Variants in ANO3 observed in about 807,000 individuals in gnomAD.
The protein encoded by ANO3 is anoctamin-3.
In ANO3, 99 loss-of-function variants were observed where a neutral mutation model predicts 144.8. That is an observed-to-expected ratio of 0.68 (90% CI 0.58 to 0.81). The LOEUF is 0.81. Ranked by LOEUF, ANO3 falls within the 30% of genes least tolerant of loss-of-function variation. ANO3 has a pLI of 0.00. For missense variants in ANO3, 905 were observed against 1,202.2 expected, an observed-to-expected ratio of 0.75 and a Z score of 3.66; for synonymous variants, 414 against 392.6, an observed-to-expected ratio of 1.05 and a Z score of -0.64.
intron 23 of ANO3, 58 bp from the exon 24 acceptor site, chr11:26,647,651 T>C: frequency 6.7e-7 from 1 of 1,494,704 alleles, no homozygotes; most frequent in Non-Finnish European, 9.1e-7. Flanking sequence ...ATAAGATTAA[T>C]TACAGGGTTT....
At chr11:26,627,115 T>A (rs566368869) in intron 18 of ANO3, among the ~76,000 whole-genome samples, 9 of 150,262 alleles carry the variant, frequency 6.0e-5, no homozygotes, top group East Asian at 1.9e-4. Context: ...TTAAATTCTT[T>A]TATATATATA....
intron 1 of ANO3, among the ~76,000 whole-genome samples, chr11:26,384,758 T>A (rs1856679800): frequency 6.6e-6 from 1 of 152,222 alleles, no homozygotes; most frequent in Non-Finnish European, 1.5e-5. Flanking sequence ...GTGCTTATAT[T>A]CTTACTCCCT....
At chr11:26,500,828 A>G (rs1015064096) in intron 4 of ANO3, among the ~76,000 whole-genome samples, 5 of 151,740 alleles carry the variant, frequency 3.3e-5, no homozygotes. Flanking sequence ...TTTGCTCTTT[A>G]TAATAAGTAG....
At chr11:26,405,928 T>G (rs1438803755) in intron 1 of ANO3, among the ~76,000 whole-genome samples, 1 of 151,676 alleles carries the variant, frequency 6.6e-6, no homozygotes, top group Non-Finnish European at 1.5e-5. Context: ...TTCTAAAAGC[T>G]TTTTTTTCAT....
intron 14 of ANO3, chr11:26,565,379 AG>A (rs759120275): frequency 2.5e-6 from 4 of 1,613,226 alleles, no homozygotes; most frequent in Non-Finnish European, 3.4e-6. Flanking sequence ...TGTTATCAGG[AG>A]TTTTCACGGT....
chr11:26,256,597 C>T (rs561204458), intron 1 of ANO3, among the ~76,000 whole-genome samples: 2 of 152,096 alleles, frequency 1.3e-5, no homozygotes, highest in South Asian at 4.2e-4. Context: ...ATTACTCCTA[C>T]CCTATGAGAT....
intron 4 of ANO3, among the ~76,000 whole-genome samples, chr11:26,492,157 T>C (rs1043079221): frequency 1.1e-4 from 17 of 152,234 alleles, no homozygotes; most frequent in African/African-American, 4.1e-4. Flanking sequence ...TTTAATAAAA[T>C]TAGATTCTCT....
rs935164520 is a variant in ANO3 at position 26,388,850 on chromosome 11, G to A, written c.47-53068G>A. ...CATGTTTAGCTGTGTATACACACACGCACATACACACACCCTAAATCCCTG... is the reference window on the plus strand; with the variant it reads ...CATGTTTAGCTGTGTATACACACACACACATACACACACCCTAAATCCCTG... On this transcript the variant is annotated intron_variant, in intron 1 of 26. Transcript: ENST00000256737. 7.2e-5 allele frequency among the ~76,000 whole-genome samples: 11 copies of A among 152,018 alleles called. 1 individual carries two copies. Among genetic ancestry groups the A allele is most frequent in the Non-Finnish European group, 1.6e-4 (11 of 67,968 alleles).
chr11:26,570,435 T>C (rs886880933), intron 14 of ANO3, among the ~76,000 whole-genome samples: 2 of 152,094 alleles, frequency 1.3e-5, no homozygotes, highest in East Asian at 1.9e-4. Flanking sequence ...AAATCGTGGG[T>C]CATACTTATT....
chr11:26,249,823 C>T (rs1030062961), intron 1 of ANO3, among the ~76,000 whole-genome samples: 6 of 152,088 alleles, frequency 3.9e-5, no homozygotes, highest in Non-Finnish European at 7.4e-5. Flanking sequence ...ATAAAAAACG[C>T]TTCAGTAGCT....
At chr11:26,242,184 A>T (rs1427947386) in intron 1 of ANO3, among the ~76,000 whole-genome samples, 1 of 152,218 alleles carries the variant, frequency 6.6e-6, no homozygotes, top group African/African-American at 2.4e-5. Flanking sequence ...ACTAGCATTT[A>T]AAGCCCAATA....
chr11:26,238,105 T>G (rs1852575486), intron 1 of ANO3, among the ~76,000 whole-genome samples: 1 of 152,144 alleles, frequency 6.6e-6, no homozygotes, highest in African/African-American at 2.4e-5. Context: ...CCATGTGTGT[T>G]GTGCATAAAA....
At chr11:26,194,732 T>C (rs914194045) in intron 1 of ANO3, among the ~76,000 whole-genome samples, 82 of 151,862 alleles carry the variant, frequency 5.4e-4, no homozygotes, top group Non-Finnish European at 6.6e-4. Flanking sequence ...ACCTGGCTAA[T>C]TTTTTGTATT....
intron 14 of ANO3, among the ~76,000 whole-genome samples, chr11:26,595,048 CT>C (rs1310023360): frequency 6.6e-6 from 1 of 152,074 alleles, no homozygotes; most frequent in Non-Finnish European, 1.5e-5. Context: ...TGTTTCCCAT[CT>C]GAAAAAAGAA....
At chr11:26,368,810 T>G (rs1856167267) in intron 1 of ANO3, among the ~76,000 whole-genome samples, 1 of 152,128 alleles carries the variant, frequency 6.6e-6, no homozygotes, top group East Asian at 1.9e-4. Context: ...ATCCTTTATG[T>G]TTTTTGTTTT....
At chr11:26,509,320 C>CT (rs1246312626) in intron 5 of ANO3, among the ~76,000 whole-genome samples, 58 of 150,832 alleles carry the variant, frequency 3.8e-4, no homozygotes, top group African/African-American at 1.3e-3. Flanking sequence ...TACTTTTTTT[C>CT]TTTTTTTTTC....
chr11:26,395,307 TG>T (rs1856982754), intron 1 of ANO3, among the ~76,000 whole-genome samples: 1 of 152,204 alleles, frequency 6.6e-6, no homozygotes, highest in African/African-American at 2.4e-5. Context: ...TTTCTAATTC[TG>T]TGACGAAAGT....
intron 1 of ANO3, among the ~76,000 whole-genome samples, chr11:26,368,696 A>G (rs1207368392): frequency 6.6e-6 from 1 of 151,870 alleles, no homozygotes; most frequent in Non-Finnish European, 1.5e-5. Flanking sequence ...GTGTGTATGC[A>G]TGCATTCATT....
Position 26,544,273 on chromosome 11 carries a change from T to TATATATATATACACACACAC in ANO3, c.1154+2206_1154+2207insTATATATATACACACACACA. 8.0e-4 allele frequency among the ~76,000 whole-genome samples: 47 copies of TATATATATATACACACACAC among 58,554 alleles called. 1 individual carries two copies. The highest frequency in any genetic ancestry group is 5.8e-3 in the East Asian group (5 of 860). 38.4% of individuals were successfully genotyped at this position (58,554 alleles called of 152,430 possible). A position where few individuals can be genotyped will look rare whatever the true frequency, so the allele number is the denominator to read the frequency against. ...ATACATATATATATATATATATATA[T>TATATATATATACACACACAC]ACACACATACACACACACACACACA... On this transcript the variant is annotated intron_variant, in intron 11 of 26. Transcript: ENST00000256737.
Sources: allele counts gnomAD v4.1 joint callset (sites outside exome capture counted in the v4.1 genomes callset), GRCh38; gene constraint gnomAD v4.1.1; transcripts MANE v1.5; gene names NCBI Gene and HGNC (gene_info 2026-07-23, HGNC 2026-07-21).